The following FTO variants were observed in gnomAD, a reference collection of about 807,000 sequenced individuals.
FTO encodes FTO alpha-ketoglutarate dependent dioxygenase.
In FTO, 47 loss-of-function variants were observed where a neutral mutation model predicts 63.9. The observed-to-expected ratio is 0.74, with a 90% CI of 0.58 to 0.94. FTO has a LOEUF of 0.94. Among genes scored for constraint, FTO ranks in the 40% least tolerant of loss-of-function variants. FTO has a pLI of 0.00. For missense variants in FTO, 562 were observed against 618.1 expected (o/e 0.91, Z 0.96); for synonymous variants, 207 against 224.4 (o/e 0.92, Z 0.69).
At chr16:54,081,656 A>C (rs958763966) in intron 8 of FTO, among the ~76,000 whole-genome samples, 3 of 152,172 alleles carry the variant, frequency 2.0e-5, no homozygotes, top group Admixed American at 1.3e-4. Flanking sequence ...CATTGTTTGG[A>C]GATAGGGCAT....
intron 1 of FTO, among the ~76,000 whole-genome samples, chr16:53,728,918 T>C (rs1452051530): frequency 6.6e-6 from 1 of 151,580 alleles, no homozygotes; most frequent in Non-Finnish European, 1.5e-5. Flanking sequence ...CCCACCATCA[T>C]GACTGGTTTT....
chr16:53,747,120 T>C (rs1377150973), intron 1 of FTO, among the ~76,000 whole-genome samples: 4 of 152,224 alleles, frequency 2.6e-5, no homozygotes, highest in East Asian at 3.8e-4. Context: ...ATGAACACTT[T>C]GGTTGATTCC....
intron 7 of FTO, among the ~76,000 whole-genome samples, chr16:53,898,934 CAG>C: frequency 6.6e-6 from 1 of 152,322 alleles, no homozygotes; most frequent in Non-Finnish European, 1.5e-5. Flanking sequence ...CTTGGCCTCA[CAG>C]AGTGCTGGGA....
At chr16:53,962,240 C>T (rs1321037204) in intron 8 of FTO, among the ~76,000 whole-genome samples, 2 of 152,088 alleles carry the variant, frequency 1.3e-5, no homozygotes, top group East Asian at 3.8e-4. Flanking sequence ...GGTGAAGGCT[C>T]CAGACAGGAC....
chr16:53,865,145 G>C (rs984456225), intron 4 of FTO, among the ~76,000 whole-genome samples: 3 of 152,106 alleles, frequency 2.0e-5, no homozygotes, highest in African/African-American at 7.2e-5. Context: ...CTTTTATTTG[G>C]GTAGATGAGA....
chr16:54,107,841 A>T (rs1180994521), intron 8 of FTO, among the ~76,000 whole-genome samples: 1 of 152,206 alleles, frequency 6.6e-6, no homozygotes, highest in Non-Finnish European at 1.5e-5. Context: ...CACATCACAC[A>T]TCCTAATTGT....
intron 4 of FTO, among the ~76,000 whole-genome samples, chr16:53,868,027 G>A (rs1480813437): frequency 2.0e-5 from 3 of 152,100 alleles, no homozygotes; most frequent in African/African-American, 7.2e-5. Context: ...TTAGATTAAT[G>A]TTAGCATAGT....
chr16:53,762,190 G>A (rs766034264), intron 1 of FTO, among the ~76,000 whole-genome samples: 3 of 152,256 alleles, frequency 2.0e-5, no homozygotes, highest in East Asian at 3.9e-4. Context: ...ATGTTTTACC[G>A]GTAAACAGGC....
intron 5 of FTO, among the ~76,000 whole-genome samples, chr16:53,875,816 T>C (rs543859095): frequency 6.6e-6 from 1 of 152,284 alleles, no homozygotes; most frequent in Admixed American, 6.5e-5. Context: ...CTAAAGAGTA[T>C]GTACAGTGCA....
At chr16:53,919,551 A>G (rs993437746) in intron 7 of FTO, among the ~76,000 whole-genome samples, 15 of 152,216 alleles carry the variant, frequency 9.9e-5, no homozygotes, top group African/African-American at 2.9e-4. Context: ...ACAATTTACA[A>G]TTGCAGCAAT....
intron 8 of FTO, among the ~76,000 whole-genome samples, chr16:54,038,832 C>T (rs1456847758): frequency 1.3e-5 from 2 of 152,220 alleles, no homozygotes; most frequent in African/African-American, 4.8e-5. Context: ...CATGTTTGTA[C>T]AGCCTGTAGA....
Position 53,799,060 on chromosome 16 carries a change from C to T in FTO, c.46-11080C>T, listed in dbSNP as rs567057946. 3.6e-4 allele frequency among the ~76,000 whole-genome samples: 55 copies of T among 152,176 alleles called. No individual in the cohort carries two copies. In the South Asian group the frequency reaches 0.011, roughly 30 times the overall value. On this transcript the variant is annotated intron_variant, in intron 1 of 8. Coordinates refer to ENST00000471389, the MANE Select transcript of FTO (RefSeq NM_001080432.3). ...ATTTTTGAATGTTAAACCAACCTGG[C>T]GTTCTGGGGGTAACACTTGGTTATT...
intron 1 of FTO, among the ~76,000 whole-genome samples, chr16:53,751,716 A>C (rs1386016228): frequency 6.6e-6 from 1 of 152,128 alleles, no homozygotes; most frequent in Admixed American, 6.5e-5. Flanking sequence ...CTAAACTTAG[A>C]ATATGGTGAT....
At chr16:54,037,717 A>T (rs1452702363) in intron 8 of FTO, among the ~76,000 whole-genome samples, 1 of 152,244 alleles carries the variant, frequency 6.6e-6, no homozygotes, top group Non-Finnish European at 1.5e-5. Flanking sequence ...CTTTAGAAAA[A>T]CATAGATAGT....
chr16:53,786,114 G>A (rs1166567848), intron 1 of FTO, among the ~76,000 whole-genome samples: 3 of 152,156 alleles, frequency 2.0e-5, no homozygotes, highest in Non-Finnish European at 4.4e-5. Context: ...GGCTGTTGGA[G>A]TGTGTTAGGC....
chr16:53,955,690 G>T (rs1324093755), intron 8 of FTO, among the ~76,000 whole-genome samples: 1 of 152,222 alleles, frequency 6.6e-6, no homozygotes, highest in Non-Finnish European at 1.5e-5. Flanking sequence ...TCTAATCAAG[G>T]TTATAGTTTA....
chr16:53,768,728 T>G (rs531236724), intron 1 of FTO, among the ~76,000 whole-genome samples: 1 of 152,232 alleles, frequency 6.6e-6, no homozygotes, highest in East Asian at 1.9e-4. Context: ...GCCTGCTTGG[T>G]GAGGCTGCTG....
intron 8 of FTO, among the ~76,000 whole-genome samples, chr16:53,950,176 A>AC (rs2082754326): frequency 6.8e-6 from 1 of 147,634 alleles, no homozygotes; most frequent in African/African-American, 2.5e-5. Flanking sequence ...AAAAAAAAAA[A>AC]AAACTTAATC....
rs914797579 is a variant in FTO, at chr16:54,112,323, C to T, written c.*408C>T. On this transcript the variant is annotated 3_prime_UTR_variant, in exon 9 of 9. Transcript: ENST00000471389. ...AACTTAGAGACATCCCAGTTACTCA[C>T]CACACCCATAGTGCTGTCCAATATG... 9 of 288,142 alleles carry T rather than the reference C, an allele frequency of 3.1e-5. No homozygotes were observed. The highest frequency in any genetic ancestry group is 4.7e-5 in the Non-Finnish European group (7 of 148,652). The allele number at this position is 288,142 out of a possible 1,614,324, so 17.8% of individuals were successfully genotyped here.
Sources: gnomAD v4.1 joint callset for allele counts (sites outside exome capture counted in the v4.1 genomes callset) on GRCh38, gnomAD v4.1.1 for gene constraint, MANE v1.5 for transcripts, NCBI Gene and HGNC (gene_info 2026-07-23, HGNC 2026-07-21) for gene names.